KCNQ5: variants seen among roughly 807,000 people sequenced by gnomAD.
KCNQ5 encodes potassium voltage-gated channel subfamily KQT member 5.
Under a neutral mutation model 98.2 loss-of-function variants are expected in KCNQ5, and 30 were observed. The observed-to-expected ratio is 0.31, with a 90% CI of 0.23 to 0.41. KCNQ5 has a LOEUF of 0.41. Among genes scored for constraint, KCNQ5 ranks in the 10% least tolerant of loss-of-function variants. KCNQ5 has a pLI of 1.00. For synonymous variants in KCNQ5, 458 were observed against 449.4 expected, an observed-to-expected ratio of 1.02 and a Z score of -0.24; for missense variants, 835 against 1,182.5, an observed-to-expected ratio of 0.71 and a Z score of 4.31.
At chr6:72,733,937 A>G (rs1770687824) in intron 1 of KCNQ5, among the ~76,000 whole-genome samples, 1 of 152,228 alleles carries the variant, frequency 6.6e-6, no homozygotes, top group South Asian at 2.1e-4. Context: ...GGTATAAGGT[A>G]GCTGAGAACA....
intron 1 of KCNQ5, among the ~76,000 whole-genome samples, chr6:72,796,625 G>T (rs1774349750): frequency 6.6e-6 from 1 of 152,144 alleles, no homozygotes; most frequent in African/African-American, 2.4e-5. Context: ...ACATTATAAG[G>T]CCCTCTACAT....
intron 3 of KCNQ5, among the ~76,000 whole-genome samples, chr6:73,060,126 G>C (rs999998685): frequency 6.6e-6 from 1 of 151,908 alleles, no homozygotes; most frequent in Non-Finnish European, 1.5e-5. Flanking sequence ...AAAAGAAGTC[G>C]TTTGTTCTCC....
At chr6:73,054,075 C>A (rs1772356265) in intron 3 of KCNQ5, among the ~76,000 whole-genome samples, 1 of 152,030 alleles carries the variant, frequency 6.6e-6, no homozygotes. Flanking sequence ...CCTCTATGCA[C>A]ACAAACTAGA....
At chr6:73,075,916 A>G (rs1376608283) in intron 3 of KCNQ5, among the ~76,000 whole-genome samples, 12 of 152,136 alleles carry the variant, frequency 7.9e-5, no homozygotes, top group South Asian at 6.2e-4. Flanking sequence ...GTGTTGGTGC[A>G]TGCCTGTAGT....
chr6:73,043,189 C>G (rs1212834800), intron 3 of KCNQ5: 1 of 411,422 alleles, frequency 2.4e-6, no homozygotes, highest in South Asian at 1.9e-5. Context: ...TAAGAAGAAT[C>G]CTTTATTCCA....
chr6:72,945,370 A>G (rs1251026914), intron 1 of KCNQ5, among the ~76,000 whole-genome samples: 2 of 150,998 alleles, frequency 1.3e-5, no homozygotes, highest in African/African-American at 4.9e-5. Context: ...ATCATTTAAC[A>G]TTAGGTATAT....
rs758256458 is a variant in KCNQ5 at position 73,194,817 on chromosome 6, C to T, written c.2202C>T (p.Asn734=). The part of the protein sequence containing the change: ...SAVAATNTIA[N]QINTAPKPAA... ...TGGCAGCCACCAACACCATTGCAAA[C>T]CAAATAAATACGGCACCCAAGCCAG... is the stretch of plus-strand genomic sequence containing the variant. Residue 734 remains asparagine, a synonymous_variant, in exon 14 of 14, where the codon AAC becomes AAT. Transcript: ENST00000370398. 6.2e-7 allele frequency: 1 copy of T among 1,614,066 alleles called. No homozygotes were observed. The highest frequency in any genetic ancestry group is 8.5e-7 in the Non-Finnish European group (1 of 1,180,048).
chr6:72,932,334 C>T (rs993201615), intron 1 of KCNQ5, among the ~76,000 whole-genome samples: 2 of 151,958 alleles, frequency 1.3e-5, no homozygotes, highest in East Asian at 3.9e-4. Flanking sequence ...GGAGCTACAT[C>T]CTCATCTTCC....
chr6:72,699,621 G>C (rs563251242), intron 1 of KCNQ5, among the ~76,000 whole-genome samples: 3 of 152,138 alleles, frequency 2.0e-5, no homozygotes, highest in Admixed American at 6.5e-5. Flanking sequence ...AAGGACAAAT[G>C]ATGGCTCTGC....
intron 1 of KCNQ5, among the ~76,000 whole-genome samples, chr6:72,995,445 A>G (rs983161066): frequency 1.2e-4 from 19 of 152,228 alleles, no homozygotes; most frequent in African/African-American, 4.6e-4. Context: ...TAAAAAAATT[A>G]CATTAAATAA....
At chr6:72,683,405 T>A (rs1377640989) in intron 1 of KCNQ5, among the ~76,000 whole-genome samples, 1 of 144,980 alleles carries the variant, frequency 6.9e-6, no homozygotes, top group Non-Finnish European at 1.5e-5. Flanking sequence ...TCTCGCTCTG[T>A]CGCCCAGGCT....
At chr6:73,147,979 A>G (rs1776989241) in intron 10 of KCNQ5, among the ~76,000 whole-genome samples, 1 of 152,208 alleles carries the variant, frequency 6.6e-6, no homozygotes, top group African/African-American at 2.4e-5. Flanking sequence ...ACATATAAAA[A>G]CATATTCTAG....
intron 1 of KCNQ5, among the ~76,000 whole-genome samples, chr6:72,657,410 A>C (rs1172511526): frequency 1.3e-5 from 2 of 152,216 alleles, no homozygotes. Context: ...CTCATCCTCT[A>C]TAAAAATTCA....
At position 72,622,809 on chromosome 6, in the gene KCNQ5, A is replaced by G. The variant is rs56254477; in HGVS notation, c.398+222A>G. On this transcript the variant is annotated intron_variant, in intron 1 of 13. Coordinates refer to ENST00000370398, the MANE Select transcript of KCNQ5 (RefSeq NM_019842.4). The surrounding 1 kb of genome is among the most constrained non-coding windows in gnomAD (Gnocchi z 6.0). ...TGAACCTTTTCCCCGAGGACACCCAATGAACTGCCCGGTAGCTTCAGGCTC... is the reference window on the plus strand; with the variant it reads ...TGAACCTTTTCCCCGAGGACACCCAGTGAACTGCCCGGTAGCTTCAGGCTC... 0.13 allele frequency among the ~76,000 whole-genome samples: 19,749 copies of G among 152,012 alleles called. 1,479 individuals are homozygous for G. The highest frequency in any genetic ancestry group is 0.18 in the Non-Finnish European group (12,264 of 67,936).
At chr6:73,078,951 A>G (rs1438181897) in intron 5 of KCNQ5, among the ~76,000 whole-genome samples, 1 of 152,260 alleles carries the variant, frequency 6.6e-6, no homozygotes, top group African/African-American at 2.4e-5. Flanking sequence ...TATGCAATGT[A>G]TAAATTACAT....
At position 72,852,546 on chromosome 6, in the gene KCNQ5, C is replaced by T. The variant is rs921829340; in HGVS notation, c.399-151362C>T. 2.8e-5 allele frequency among the ~76,000 whole-genome samples: 4 copies of T among 145,434 alleles called. No individual in the cohort carries two copies. In the East Asian group the frequency reaches 6.0e-4, roughly 22 times the overall value. On this transcript the variant is annotated intron_variant, in intron 1 of 13. Transcript: ENST00000370398. ...ATATCACATGCTCTCACTCATATAT[C>T]GGAGCAAAAAAAAGTGGATCTCGTG...
chr6:73,123,912 T>C (rs1002577500), intron 8 of KCNQ5, among the ~76,000 whole-genome samples: 3 of 152,200 alleles, frequency 2.0e-5, no homozygotes, highest in African/African-American at 7.2e-5. Flanking sequence ...CCCTACACCA[T>C]GGTGCTTAGA....
chr6:72,775,452 A>C (rs1773114034), intron 1 of KCNQ5, among the ~76,000 whole-genome samples: 1 of 152,228 alleles, frequency 6.6e-6, no homozygotes, highest in Non-Finnish European at 1.5e-5. Context: ...GTGAAGGAGA[A>C]GAGACACATT....
At chr6:73,004,466 T>C (rs1769730037) in intron 2 of KCNQ5, among the ~76,000 whole-genome samples, 1 of 152,198 alleles carries the variant, frequency 6.6e-6, no homozygotes, top group Non-Finnish European at 1.5e-5. Flanking sequence ...CTTCATGCTC[T>C]TTTCAACCAA....
Sources: gnomAD v4.1 joint callset for allele counts (sites outside exome capture counted in the v4.1 genomes callset) on GRCh38, gnomAD v4.1.1 for gene constraint, Gnocchi (gnomAD v3.1) non-coding constraint, MANE v1.5 for transcripts, NCBI Gene and HGNC (gene_info 2026-07-23, HGNC 2026-07-21) for gene names.